MAPRE2: variants seen among roughly 807,000 people sequenced by gnomAD.
MAPRE2 encodes the protein microtubule associated protein RP/EB family member 2.
Under a neutral mutation model 43.2 loss-of-function variants are expected in MAPRE2, and 13 were observed. The ratio of observed to expected loss-of-function variants is 0.30; its 90% confidence interval spans 0.20 to 0.48. The LOEUF (loss-of-function observed/expected upper bound fraction) is 0.48, where lower values mean the gene tolerates loss of function less well. MAPRE2 is among the 20% of genes least tolerant of loss of function. MAPRE2 has a pLI of 0.99. For synonymous variants in MAPRE2, 135 were observed against 148.8 expected (o/e 0.91, Z 0.68); for missense variants, 161 against 400.2 (o/e 0.40, Z 5.10).
In MAPRE2 at chr18:35,018,270, C is replaced by CT. The variant is rs1006631797; in HGVS notation, c.-8+12724dup. ...GTTAGGGATATTGGCATGTAGTTTT[C>CT]TTTTTTTGTTGTGTCTTTGCCAGGT... On this transcript the variant is annotated intron_variant, in intron 2 of 7. Transcript: ENST00000413393. Among the ~76,000 whole-genome samples, 18 of 151,840 alleles carry CT rather than the reference C, an allele frequency of 1.2e-4. 1 individual carries two copies. The East Asian group carries it at 3.1e-3, about 26-fold the overall frequency.
intron 4 of MAPRE2, among the ~76,000 whole-genome samples, chr18:35,112,166 T>A (rs533415485): frequency 2.2e-3 from 331 of 152,134 alleles, no homozygotes; most frequent in African/African-American, 7.6e-3. Context: ...ACTGTTTCTT[T>A]CTTTCTTTCC....
At chr18:35,011,894 G>T (rs114912120) in intron 2 of MAPRE2, among the ~76,000 whole-genome samples, 1 of 152,032 alleles carries the variant, frequency 6.6e-6, no homozygotes, top group Non-Finnish European at 1.5e-5. Flanking sequence ...AGTAAAGAAA[G>T]GGGGACAGGA....
At chr18:35,118,789 C>A (rs541460947) in intron 4 of MAPRE2, among the ~76,000 whole-genome samples, 5 of 152,276 alleles carry the variant, frequency 3.3e-5, no homozygotes, top group Non-Finnish European at 5.9e-5. Context: ...CCTACAGTAT[C>A]CCATTCTTAC....
intron 4 of MAPRE2, among the ~76,000 whole-genome samples, chr18:35,108,233 G>A (rs1909003094): frequency 6.6e-6 from 1 of 152,074 alleles, no homozygotes; most frequent in South Asian, 2.1e-4. Flanking sequence ...TTGGTTTTCT[G>A]TTCCTGTGTT....
chr18:35,005,663 T>C (rs1367661876), intron 2 of MAPRE2: 2 of 561,834 alleles, frequency 3.6e-6, no homozygotes, highest in Non-Finnish European at 6.1e-6. Flanking sequence ...CAGTACACAA[T>C]TAAAGCCGAT....
chr18:35,065,801 G>A (rs1054744340), intron 1 of MAPRE2, among the ~76,000 whole-genome samples: 3 of 152,140 alleles, frequency 2.0e-5, no homozygotes, highest in South Asian at 2.1e-4. Flanking sequence ...TGATCCACCC[G>A]CCTCGGCCTC....
intron 2 of MAPRE2, among the ~76,000 whole-genome samples, chr18:35,032,787 C>T (rs920761242): frequency 2.0e-5 from 3 of 152,002 alleles, no homozygotes; most frequent in South Asian, 4.1e-4. Flanking sequence ...GCACTTTAAA[C>T]ATTTGTTTGT....
chr18:35,037,264 A>T (rs942260000), upstream of MAPRE2, among the ~76,000 whole-genome samples: 1 of 152,212 alleles, frequency 6.6e-6, no homozygotes, highest in African/African-American at 2.4e-5. Flanking sequence ...TTACTTAAAA[A>T]TTACATTTAC....
chr18:35,008,960 G>A (rs1439844422), intron 2 of MAPRE2, among the ~76,000 whole-genome samples: 3 of 147,308 alleles, frequency 2.0e-5, no homozygotes, highest in Non-Finnish European at 4.6e-5. Context: ...GTGTGTGTGT[G>A]TGTGCATGCA....
chr18:35,011,630 T>G (rs1306994443), intron 2 of MAPRE2, among the ~76,000 whole-genome samples: 1 of 152,100 alleles, frequency 6.6e-6, no homozygotes, highest in Non-Finnish European at 1.5e-5. Context: ...GGAAGGGACA[T>G]GATTAGACAG....
intron 1 of MAPRE2, 161 bp downstream of exon 1, chr18:35,041,822 T>G: frequency 6.8e-7 from 1 of 1,465,800 alleles, no homozygotes; most frequent in South Asian, 1.4e-5. Context: ...ATGTGTCATG[T>G]TGGGTTTGCA....
intron 1 of MAPRE2, among the ~76,000 whole-genome samples, chr18:34,994,844 A>T (rs1041545115): frequency 2.0e-5 from 3 of 152,196 alleles, no homozygotes; most frequent in Admixed American, 6.5e-5. Flanking sequence ...GCATGCCCAA[A>T]GTCACATAAT....
chr18:35,078,646 C>T (rs186318767), intron 2 of MAPRE2, among the ~76,000 whole-genome samples: 12 of 152,228 alleles, frequency 7.9e-5, no homozygotes, highest in Admixed American at 2.0e-4. Flanking sequence ...GTGGATGCAA[C>T]GAAGGGTTCA....
At chr18:34,989,755 G>A (rs1011389127) in intron 1 of MAPRE2, among the ~76,000 whole-genome samples, 1 of 151,886 alleles carries the variant, frequency 6.6e-6, no homozygotes, top group African/African-American at 2.4e-5. Context: ...TTGACCAGTG[G>A]CATCAGCATC....
intron 1 of MAPRE2, among the ~76,000 whole-genome samples, chr18:35,047,649 C>T (rs1170376816): frequency 6.7e-6 from 1 of 148,828 alleles, no homozygotes; most frequent in Non-Finnish European, 1.5e-5. Context: ...GAAAATAAAT[C>T]ATTAGCAAGG....
chr18:35,042,661 G>T (rs977681450), intron 1 of MAPRE2, among the ~76,000 whole-genome samples: 1 of 152,162 alleles, frequency 6.6e-6, no homozygotes, highest in African/African-American at 2.4e-5. Flanking sequence ...TTGTACTGGG[G>T]TAGTTATTTT....
intron 3 of MAPRE2, among the ~76,000 whole-genome samples, chr18:35,098,921 C>G (rs1485240856): frequency 6.6e-6 from 1 of 152,168 alleles, no homozygotes; most frequent in African/African-American, 2.4e-5. Flanking sequence ...GTTAGCCTTT[C>G]TAGCTTTAGT....
chr18:35,032,596 G>C lies in MAPRE2; in HGVS notation c.-8+27043G>C, dbSNP rs75761693. Among the ~76,000 whole-genome samples the C allele has an allele frequency of 2.6e-3, 392 of 152,232 alleles. 11 individuals carry two copies. In the East Asian group the frequency reaches 0.066, roughly 26 times the overall value. On this transcript the variant is annotated intron_variant, in intron 2 of 7. Coordinates refer to the MAPRE2 transcript ENST00000413393. The stretch of plus-strand genomic sequence containing the variant: ...AAACATGATTGTGCTATAAGCTAGG[G>C]ACTCGAAATTAAAATTCGAGTTAAT...
At chr18:35,021,931 T>G (rs1429360022) in intron 2 of MAPRE2, among the ~76,000 whole-genome samples, 4 of 152,048 alleles carry the variant, frequency 2.6e-5, no homozygotes, top group African/African-American at 9.7e-5. Context: ...AAAGAGATGT[T>G]AGAGCTTGAG....
Sources: allele counts gnomAD v4.1 joint callset (sites outside exome capture counted in the v4.1 genomes callset), GRCh38; gene constraint gnomAD v4.1.1; transcripts MANE v1.5; gene names NCBI Gene and HGNC (gene_info 2026-07-23, HGNC 2026-07-21).